NCALD: variants seen among roughly 807,000 people sequenced by gnomAD.
NCALD encodes the protein neurocalcin-delta.
Under a neutral mutation model 18.6 loss-of-function variants are expected in NCALD, and 10 were observed. The observed-to-expected ratio is 0.54, with a 90% CI of 0.33 to 0.91. NCALD has a LOEUF of 0.91. Ranked by LOEUF, NCALD falls within the 40% of genes least tolerant of loss-of-function variation. The pLI is 0.03. For missense variants in NCALD, 184 were observed against 247.6 expected (o/e 0.74, Z 1.72); for synonymous variants, 88 against 87.4 (o/e 1.01, Z -0.04).
chr8:102,112,987 C>T lies in NCALD; in HGVS notation c.-210+11250G>A, dbSNP rs187211229. On this transcript the variant is annotated intron_variant, in intron 1 of 6. Transcript: ENST00000311028. Reference sequence around the variant, plus strand: ...CATCAGAATTATAAGCCAAATAAACCTTTTTTCTTTATAAATTACCCAGTC... The same window carrying T: ...CATCAGAATTATAAGCCAAATAAACTTTTTTTCTTTATAAATTACCCAGTC... Among the ~76,000 whole-genome samples the T allele has an allele frequency of 9.3e-3, 1,407 of 152,092 alleles. 10 individuals are homozygous for T. The highest frequency in any genetic ancestry group is 0.017 in the Non-Finnish European group (1,161 of 68,018).
chr8:102,054,724 T>C (rs199802048), intron 1 of NCALD, among the ~76,000 whole-genome samples: 1 of 149,802 alleles, frequency 6.7e-6, no homozygotes, highest in Non-Finnish European at 1.5e-5. Flanking sequence ...ATAGATATCC[T>C]ATAGATAGAT....
chr8:101,982,768 G>A (rs561457321), intron 2 of NCALD, among the ~76,000 whole-genome samples: 1 of 151,912 alleles, frequency 6.6e-6, no homozygotes, highest in African/African-American at 2.4e-5. Context: ...TTGAACCCGG[G>A]AGGCAGAGGC....
intron 3 of NCALD, among the ~76,000 whole-genome samples, chr8:101,890,426 T>C (rs1816829773): frequency 1.3e-5 from 2 of 152,322 alleles, no homozygotes; most frequent in South Asian, 4.1e-4. Flanking sequence ...AGTGCTATGG[T>C]TTGAATGACA....
rs188002734 is a variant in NCALD, at chr8:101,872,562, C to T, written c.-20+14579G>A. The T allele has an allele frequency of 5.1e-5, 32 of 625,858 alleles. 2 individuals carry two copies. Among genetic ancestry groups the T allele is most frequent in the South Asian group, 2.9e-4 (16 of 55,318 alleles). The allele number at this position is 625,858 out of a possible 1,614,324, so 38.8% of individuals were successfully genotyped here. On this transcript the variant is annotated intron_variant, in intron 4 of 6. Coordinates refer to the NCALD transcript ENST00000311028. ...TGGGGTCCTGCATCTTGTTTCCAAT[C>T]GCTCAAGCCAATCGTGCTGGGGAAT...
At chr8:101,826,951 CA>C (rs1455311607) in intron 4 of NCALD, among the ~76,000 whole-genome samples, 1 of 152,164 alleles carries the variant, frequency 6.6e-6, no homozygotes, top group Non-Finnish European at 1.5e-5. Context: ...AAGCTACTAC[CA>C]TATTACTATA....
chr8:101,969,456 A>G (rs1193034090), intron 2 of NCALD, among the ~76,000 whole-genome samples: 2 of 152,206 alleles, frequency 1.3e-5, no homozygotes, highest in Non-Finnish European at 2.9e-5. Flanking sequence ...TTAGCTTTTC[A>G]AAGCCCTTCA....
chr8:101,905,623 C>T (rs1299326259), intron 3 of NCALD, among the ~76,000 whole-genome samples: 1 of 152,200 alleles, frequency 6.6e-6, no homozygotes, highest in Non-Finnish European at 1.5e-5. Context: ...CTCTACCCCT[C>T]CACACACCAC....
In NCALD at chr8:102,037,195, C is replaced by T. The variant is rs1277295884; in HGVS notation, c.-209-16906G>A. On this transcript the variant is annotated intron_variant, in intron 1 of 6. Coordinates refer to the NCALD transcript ENST00000311028. ...TTTAAGCAACTTATAAATATATTAA[C>T]TTACTTAAACTTTACTATAATTCTA... is the stretch of plus-strand genomic sequence containing the variant. Among the ~76,000 whole-genome samples, 3 of 152,142 alleles carry T rather than the reference C, an allele frequency of 2.0e-5. No individual in the cohort carries two copies. In the East Asian group the frequency reaches 5.8e-4, roughly 29 times the overall value.
At chr8:101,915,239 A>G (rs1454199309) in intron 3 of NCALD, among the ~76,000 whole-genome samples, 1 of 152,222 alleles carries the variant, frequency 6.6e-6, no homozygotes, top group Non-Finnish European at 1.5e-5. Flanking sequence ...TTTGGAGCTA[A>G]CCACATTGGA....
intron 2 of NCALD, among the ~76,000 whole-genome samples, chr8:102,010,811 T>C (rs1174596999): frequency 2.0e-5 from 3 of 152,226 alleles, no homozygotes; most frequent in Admixed American, 1.3e-4. Context: ...CTCTTCTTCA[T>C]TGTGTTTGTG....
intron 2 of NCALD, among the ~76,000 whole-genome samples, chr8:102,018,734 A>G (rs750424009): frequency 2.0e-5 from 3 of 152,172 alleles, no homozygotes; most frequent in Non-Finnish European, 4.4e-5. Context: ...CCATGTGTTA[A>G]TCATACCTCA....
chr8:102,107,217 T>TATATATATATATATATAC (rs1563623221), intron 1 of NCALD, among the ~76,000 whole-genome samples: 3 of 126,522 alleles, frequency 2.4e-5, no homozygotes, highest in African/African-American at 1.1e-4. Flanking sequence ...TATATATATA[T>TATATATATATATATATAC]ATATATATAT....
chr8:102,005,603 A>G (rs1168763459), intron 2 of NCALD, among the ~76,000 whole-genome samples: 1 of 152,212 alleles, frequency 6.6e-6, no homozygotes, highest in African/African-American at 2.4e-5. Context: ...CACTATTGAC[A>G]ATAGCAAAGA....
At chr8:102,070,650 T>A (rs1824152778) in intron 1 of NCALD, among the ~76,000 whole-genome samples, 1 of 152,250 alleles carries the variant, frequency 6.6e-6, no homozygotes, top group South Asian at 2.1e-4. Flanking sequence ...TCATCATGCA[T>A]CTTTCAGCCA....
In NCALD at chr8:101,734,374, A is replaced by T. The variant is rs560949220; in HGVS notation, c.-19-14726T>A. ...ATCACATCTTGTGCTTAGGAAAAGCATTTACTACAATTGGAATTATTTGCA... is the reference window on the plus strand; with the variant it reads ...ATCACATCTTGTGCTTAGGAAAAGCTTTTACTACAATTGGAATTATTTGCA... On this transcript the variant is annotated intron_variant, in intron 1 of 3. Transcript: ENST00000220931. Among the ~76,000 whole-genome samples the T allele has an allele frequency of 7.7e-4, 118 of 152,282 alleles. 2 individuals are homozygous for T. Among genetic ancestry groups the T allele is most frequent in the Non-Finnish European group, 1.4e-3 (94 of 68,022 alleles).
chr8:101,916,902 A>G (rs1456817925), intron 2 of NCALD, among the ~76,000 whole-genome samples: 14 of 152,108 alleles, frequency 9.2e-5, no homozygotes, highest in Non-Finnish European at 2.9e-5. Flanking sequence ...GCCACACAAT[A>G]ATAGAAGGGA....
intron 1 of NCALD, among the ~76,000 whole-genome samples, chr8:102,057,426 C>A (rs890766095): frequency 2.0e-5 from 3 of 152,110 alleles, no homozygotes; most frequent in Non-Finnish European, 2.9e-5. Context: ...TGTGAGTATA[C>A]CAAAGAAGGT....
intron 2 of NCALD, among the ~76,000 whole-genome samples, chr8:102,008,860 C>G (rs936349243): frequency 6.7e-6 from 1 of 149,600 alleles, no homozygotes; most frequent in Admixed American, 6.7e-5. Context: ...TTGGGTTTCT[C>G]CTGTTTATCT....
At chr8:101,830,600 T>C (rs938606274) in intron 4 of NCALD, among the ~76,000 whole-genome samples, 1 of 151,878 alleles carries the variant, frequency 6.6e-6, no homozygotes, top group African/African-American at 2.4e-5. Flanking sequence ...TCAGATGACA[T>C]TGTCATTGTT....
Sources: gnomAD v4.1 joint callset for allele counts (sites outside exome capture counted in the v4.1 genomes callset) on GRCh38, gnomAD v4.1.1 for gene constraint, MANE v1.5 for transcripts, NCBI Gene and HGNC (gene_info 2026-07-23, HGNC 2026-07-21) for gene names.